KYNU: variants seen among roughly 807,000 people sequenced by gnomAD.
KYNU encodes the protein L-kynurenine hydrolase.
Under a neutral mutation model 59.2 loss-of-function variants are expected in KYNU, and 54 were observed. The ratio of observed to expected loss-of-function variants is 0.91; its 90% CI spans 0.73 to 1.14. The LOEUF (loss-of-function observed/expected upper bound fraction) is 1.14. Ranked by LOEUF, KYNU falls within the 50% of genes most tolerant of loss-of-function variation. KYNU has a pLI of 0.00. For synonymous variants in KYNU, 177 were observed against 192.0 expected (o/e 0.92, Z 0.65); for missense variants, 567 against 554.4 (o/e 1.02, Z -0.23).
chr2:142,913,173 T>C (rs1309959111), intron 2 of KYNU, among the ~76,000 whole-genome samples: 2 of 152,238 alleles, frequency 1.3e-5, no homozygotes, highest in African/African-American at 4.8e-5. Flanking sequence ...ATCCTTTTTA[T>C]GAATATTTAG....
chr2:143,013,963 A>G (rs559529519), intron 10 of KYNU, among the ~76,000 whole-genome samples: 3 of 152,326 alleles, frequency 2.0e-5, no homozygotes, highest in Admixed American at 2.0e-4. Flanking sequence ...CCAAAGCTCC[A>G]TTGGAGACTT....
chr2:143,038,749 C>T (rs1686958321), intron 12 of KYNU, among the ~76,000 whole-genome samples: 1 of 152,034 alleles, frequency 6.6e-6, no homozygotes, highest in South Asian at 2.1e-4. Context: ...CAGTATAGTT[C>T]CAGGAAATCT....
intron 10 of KYNU, among the ~76,000 whole-genome samples, chr2:143,021,817 A>G (rs1355062375): frequency 6.6e-6 from 1 of 152,182 alleles, no homozygotes; most frequent in Non-Finnish European, 1.5e-5. Context: ...GACACAATCC[A>G]CATTATATCA....
Position 143,042,623 on chromosome 2 carries a change from T to C in KYNU, c.*451T>C, listed in dbSNP as rs1215405547. The C allele has an allele frequency of 1.5e-5, 2 of 134,416 alleles. No individual in the cohort carries two copies. The highest frequency in any genetic ancestry group is 3.2e-5 in the Non-Finnish European group (2 of 63,424). 8.3% of individuals were successfully genotyped at this position (134,416 alleles called of 1,614,324 possible). ...ATATATATATATATATATATATATA[T>C]ATATATATGTGTGTGTGTGTGTGTG... On this transcript the variant is annotated 3_prime_UTR_variant, in exon 14 of 14. Transcript: ENST00000264170.
intron 4 of KYNU, among the ~76,000 whole-genome samples, chr2:142,940,698 TCTGC>T (rs1258209524): frequency 6.6e-6 from 1 of 152,248 alleles, no homozygotes; most frequent in Non-Finnish European, 1.5e-5. Flanking sequence ...GTAGGGGTTT[TCTGC>T]CTGTCTTTGA....
chr2:143,038,106 T>G (rs1686938161), intron 12 of KYNU, among the ~76,000 whole-genome samples: 1 of 152,174 alleles, frequency 6.6e-6, no homozygotes, highest in Non-Finnish European at 1.5e-5. Flanking sequence ...GCAAGTAATA[T>G]TCCTCCAAGT....
chr2:143,016,415 T>C lies in KYNU; in HGVS notation c.903-13212T>C, dbSNP rs141571218. ...TCATGTACACAATGCAGGTTGAGAA[T>C]TTTCTCAGTGGACATGAATTTTTTT... On this transcript the variant is annotated intron_variant, in intron 10 of 13. Transcript: ENST00000264170. Among the ~76,000 whole-genome samples the C allele has an allele frequency of 1.8e-3, 281 of 152,346 alleles. 1 individual carries two copies. The highest frequency in any genetic ancestry group is 6.6e-3 in the African/African-American group (275 of 41,584).
chr2:143,043,688 TA>T lies in KYNU; in HGVS notation c.*1520del, dbSNP rs1687117051. 6.7e-6 allele frequency: 1 copy of T among 149,174 alleles called. No homozygotes were observed. The highest frequency in any genetic ancestry group is 1.9e-4 in the East Asian group (1 of 5,144). 9.2% of individuals were successfully genotyped at this position (149,174 alleles called of 1,614,324 possible). On this transcript the variant is annotated 3_prime_UTR_variant, in exon 14 of 14. Coordinates refer to ENST00000264170, the MANE Select transcript of KYNU (RefSeq NM_003937.3). ...ATAGATGGAAGAGTTCTCAAAACCTTAAAACTCATGCATAAGTGGATTCATA... is the reference window on the plus strand; with the variant it reads ...ATAGATGGAAGAGTTCTCAAAACCTTAAACTCATGCATAAGTGGATTCATA...
chr2:142,993,917 C>A (rs1685470666), intron 10 of KYNU, among the ~76,000 whole-genome samples: 1 of 151,912 alleles, frequency 6.6e-6, no homozygotes. Context: ...CCTTTGAAAC[C>A]TAAACATTTA....
At chr2:142,980,074 A>G (rs1384886514) in intron 8 of KYNU, among the ~76,000 whole-genome samples, 1 of 152,118 alleles carries the variant, frequency 6.6e-6, no homozygotes, top group African/African-American at 2.4e-5. Flanking sequence ...GGGTTGGGCA[A>G]TTCCCAGAAC....
At position 142,890,244 on chromosome 2, in the gene KYNU, T is replaced by C. The variant is rs1011870383; in HGVS notation, c.169+4708T>C. Among the ~76,000 whole-genome samples the C allele has an allele frequency of 2.0e-5, 3 of 152,134 alleles. No individual in the cohort carries two copies. The East Asian group carries it at 5.8e-4, about 29-fold the overall frequency. On this transcript the variant is annotated intron_variant, in intron 2 of 13. Coordinates refer to ENST00000264170, the MANE Select transcript of KYNU (RefSeq NM_003937.3). The stretch of plus-strand genomic sequence containing the variant: ...TGCAAGGCATACATGTGGAAAGATA[T>C]CTTTCTAAAATTTTTAAAATAATAA...
In KYNU at chr2:143,040,544, A is replaced by G; in HGVS notation, c.1158A>G (p.Pro386=). ...AAGATAAAGCAGCAACCAAGAAACCAGTTGTGAACATAATTACTCCGTCTC... is the reference window on the plus strand; with the variant it reads ...AAGATAAAGCAGCAACCAAGAAACCGGTTGTGAACATAATTACTCCGTCTC... ...YGKDKAATKK[P]VVNIITPSHV... The change falls in exon 13 of 14, where the codon CCA becomes CCG. Residue 386 remains proline, a synonymous_variant. Transcript: ENST00000264170. 2 of 1,613,208 alleles carry G rather than the reference A, an allele frequency of 1.2e-6. No individual in the cohort carries two copies. The highest frequency in any genetic ancestry group is 1.7e-6 in the Non-Finnish European group (2 of 1,179,418).
chr2:142,932,216 A>G (rs1332937534), intron 4 of KYNU, among the ~76,000 whole-genome samples: 1 of 152,212 alleles, frequency 6.6e-6, no homozygotes, highest in East Asian at 1.9e-4. Context: ...TGTAACCGAC[A>G]TGGAAAGAGT....
intron 8 of KYNU, among the ~76,000 whole-genome samples, chr2:142,964,966 T>C (rs1167461144): frequency 6.6e-6 from 1 of 152,170 alleles, no homozygotes; most frequent in Non-Finnish European, 1.5e-5. Context: ...CTTCCATGTT[T>C]CTATATTTTT....
In KYNU at chr2:143,048,519, C is replaced by G. The variant is rs1417671516; in HGVS notation, c.*6347C>G. 1 of 151,964 alleles carries G rather than the reference C, an allele frequency of 6.6e-6. No individual in the cohort carries two copies. Among genetic ancestry groups the G allele is most frequent in the African/African-American group, 2.4e-5 (1 of 41,366 alleles). 9.4% of individuals were successfully genotyped at this position (151,964 alleles called of 1,614,324 possible). On this transcript the variant is annotated 3_prime_UTR_variant, in exon 14 of 14. Coordinates refer to ENST00000264170, the MANE Select transcript of KYNU (RefSeq NM_003937.3). ...CACTAATGTTTGCTATTTCTCCCTA[C>G]AATTCAGAATTTTATTTATGGATGA...
intron 2 of KYNU, among the ~76,000 whole-genome samples, chr2:142,899,302 A>G (rs1347615450): frequency 6.6e-6 from 1 of 152,124 alleles, no homozygotes; most frequent in African/African-American, 2.4e-5. Flanking sequence ...CAGGCGATAT[A>G]TGATTTGACT....
intron 10 of KYNU, among the ~76,000 whole-genome samples, chr2:143,003,890 T>G (rs1441944937): frequency 7.2e-6 from 1 of 137,952 alleles, no homozygotes; most frequent in Non-Finnish European, 1.6e-5. Context: ...TGAATAAATA[T>G]AAAGAACGCT....
intron 10 of KYNU, among the ~76,000 whole-genome samples, chr2:143,017,441 T>TTTTTC (rs1686287419): frequency 2.6e-5 from 2 of 77,616 alleles, no homozygotes; most frequent in Non-Finnish European, 5.1e-5. Flanking sequence ...TTTCTTTTTT[T>TTTTTC]TTTTTTTTTT....
intron 3 of KYNU, among the ~76,000 whole-genome samples, chr2:142,923,582 T>G (rs775521880): frequency 6.6e-6 from 1 of 152,218 alleles, no homozygotes; most frequent in Non-Finnish European, 1.5e-5. Flanking sequence ...CTGGATTATT[T>G]AATGAAGAAT....
Sources: gnomAD v4.1 joint callset for allele counts (sites outside exome capture counted in the v4.1 genomes callset) on GRCh38, gnomAD v4.1.1 for gene constraint, MANE v1.5 for transcripts, NCBI Gene and HGNC (gene_info 2026-07-23, HGNC 2026-07-21) for gene names.